RAB2A: variants seen among roughly 807,000 people sequenced by gnomAD.
The protein encoded by RAB2A is ras-related protein Rab-2A.
Under a neutral mutation model 32.5 loss-of-function variants are expected in RAB2A, and 7 were observed. The observed-to-expected ratio is 0.22, with a 90% confidence interval of 0.12 to 0.40. The LOEUF is 0.40. RAB2A is among the 10% of genes least tolerant of loss of function. The probability of loss-of-function intolerance (pLI) is 1.00; values close to 1 mark genes in which losing one functional copy is unlikely to be tolerated. For missense variants in RAB2A, 108 were observed against 260.7 expected, an observed-to-expected ratio of 0.41 and a Z score of 4.03; for synonymous variants, 79 against 85.2, an observed-to-expected ratio of 0.93 and a Z score of 0.40.
chr8:60,547,983 C>T (rs1265637453), intron 1 of RAB2A, among the ~76,000 whole-genome samples: 43 of 33,720 alleles, frequency 1.3e-3, no homozygotes, highest in Middle Eastern at 0.033. Context: ...ACTTCCCGGA[C>T]GGGGCGGCTG....
At chr8:60,526,011 G>T (rs1278395977) in intron 1 of RAB2A, among the ~76,000 whole-genome samples, 1 of 110,084 alleles carries the variant, frequency 9.1e-6, no homozygotes, top group Admixed American at 9.6e-5. Context: ...GTATATATGT[G>T]TGTGTGTACA....
At chr8:60,567,119 C>CTT (rs759099870) in intron 2 of RAB2A, among the ~76,000 whole-genome samples, 43 of 139,320 alleles carry the variant, frequency 3.1e-4, no homozygotes, top group African/African-American at 8.4e-4. Context: ...TTCTTTTTTT[C>CTT]TTTTTTTTTT....
At chr8:60,588,351 A>T (rs1362184764) in intron 5 of RAB2A, among the ~76,000 whole-genome samples, 2 of 152,212 alleles carry the variant, frequency 1.3e-5, no homozygotes, top group Non-Finnish European at 2.9e-5. Flanking sequence ...ACCCAACATA[A>T]ATATGTCTTC....
At chr8:60,594,520 A>G (rs1403470748) in intron 6 of RAB2A, among the ~76,000 whole-genome samples, 1 of 152,214 alleles carries the variant, frequency 6.6e-6, no homozygotes, top group East Asian at 1.9e-4. Context: ...TCTAGGTTAC[A>G]TGTGCACAAC....
At chr8:60,523,178 T>G (rs1458457051) in intron 1 of RAB2A, among the ~76,000 whole-genome samples, 2 of 149,644 alleles carry the variant, frequency 1.3e-5, no homozygotes, top group Non-Finnish European at 3.0e-5. Context: ...TTTTTTTTTC[T>G]TGAGACAGTC....
At chr8:60,607,285 C>T (rs902183081) in intron 6 of RAB2A, among the ~76,000 whole-genome samples, 55 of 151,344 alleles carry the variant, frequency 3.6e-4, no homozygotes, top group African/African-American at 1.2e-3. Context: ...AAAAATTAGC[C>T]GGGCGTGGTG....
chr8:60,533,725 T>A (rs1807515106), intron 1 of RAB2A, among the ~76,000 whole-genome samples: 1 of 152,066 alleles, frequency 6.6e-6, no homozygotes, highest in Non-Finnish European at 1.5e-5. Context: ...AATCCCAGCA[T>A]TTTAGGAGGC....
chr8:60,597,601 A>G (rs1386347303), intron 6 of RAB2A, among the ~76,000 whole-genome samples: 1 of 152,088 alleles, frequency 6.6e-6, no homozygotes, highest in Non-Finnish European at 1.5e-5. Context: ...AACAAAAGAA[A>G]AGAAGTCTCA....
chr8:60,552,327 G>A (rs1007691256), intron 1 of RAB2A: 11 of 151,338 alleles, frequency 7.3e-5, no homozygotes, highest in African/African-American at 2.2e-4. Flanking sequence ...TTATACCTAT[G>A]GGGTCTCACT....
intron 6 of RAB2A, among the ~76,000 whole-genome samples, chr8:60,605,832 C>CATATATATATATATAT (rs1328541490): frequency 0.012 from 1,446 of 120,698 alleles, 149 homozygotes; most frequent in African/African-American, 0.052. Flanking sequence ...GGGACTAATA[C>CATATATATATATATAT]ATATATACAT....
Position 60,591,848 on chromosome 8 carries a change from C to T in RAB2A, c.363-10C>T. Reference sequence around the variant, plus strand: ...GATTAGTAATGTGACCCTTTCTTTCCCATGTTTAGTGATTTAGAATCTAGA... The same window carrying T: ...GATTAGTAATGTGACCCTTTCTTTCTCATGTTTAGTGATTTAGAATCTAGA... On this transcript the variant is annotated splice_polypyrimidine_tract_variant and intron_variant, in intron 5 of 7. Coordinates refer to ENST00000262646, the MANE Select transcript of RAB2A (RefSeq NM_002865.3). 6.4e-7 allele frequency: 1 copy of T among 1,554,432 alleles called. No homozygotes were observed. Among genetic ancestry groups the T allele is most frequent in the Non-Finnish European group, 8.9e-7 (1 of 1,128,028 alleles).
chr8:60,610,014 G>C (rs1262872524), intron 6 of RAB2A, among the ~76,000 whole-genome samples: 1 of 150,508 alleles, frequency 6.6e-6, no homozygotes, highest in Non-Finnish European at 1.5e-5. Flanking sequence ...CTCTCATCAG[G>C]TGCTTCTTCC....
At chr8:60,582,293 G>T (rs1314498690) in intron 3 of RAB2A, among the ~76,000 whole-genome samples, 1 of 152,054 alleles carries the variant, frequency 6.6e-6, no homozygotes, top group East Asian at 1.9e-4. Flanking sequence ...TAGCCCTTTT[G>T]TGTGATGGCT....
At chr8:60,570,818 C>G (rs1187636923) in intron 2 of RAB2A, among the ~76,000 whole-genome samples, 1 of 152,124 alleles carries the variant, frequency 6.6e-6, no homozygotes, top group African/African-American at 2.4e-5. Context: ...GGACAAATTA[C>G]CTTTGTTTCT....
chr8:60,611,733 AATAT>A (rs1361117525), intron 6 of RAB2A, among the ~76,000 whole-genome samples: 1 of 152,228 alleles, frequency 6.6e-6, no homozygotes, highest in African/African-American at 2.4e-5. Flanking sequence ...TTTACTTTTG[AATAT>A]AAATAAGCAT....
At chr8:60,543,093 A>AT (rs1807672221) in intron 1 of RAB2A, among the ~76,000 whole-genome samples, 3 of 152,236 alleles carry the variant, frequency 2.0e-5, no homozygotes, top group Admixed American at 2.0e-4. Flanking sequence ...TATAGACAGA[A>AT]TCAACAAGAC....
At chr8:60,609,838 C>T (rs542338864) in intron 6 of RAB2A, among the ~76,000 whole-genome samples, 10 of 151,952 alleles carry the variant, frequency 6.6e-5, no homozygotes, top group African/African-American at 1.2e-4. Flanking sequence ...TGGTGGGACA[C>T]GCCTGCTGTA....
intron 3 of RAB2A, among the ~76,000 whole-genome samples, chr8:60,579,814 A>C (rs1204264275): frequency 6.6e-6 from 1 of 151,786 alleles, no homozygotes; most frequent in Non-Finnish European, 1.5e-5. Flanking sequence ...TTTTTAGTAG[A>C]GACAGGGTTT....
intron 2 of RAB2A, 38 bp downstream of exon 2, chr8:60,558,961 T>C: frequency 6.8e-7 from 1 of 1,480,416 alleles, no homozygotes; most frequent in South Asian, 1.2e-5. Context: ...ACTAAAAGTT[T>C]TGGATAGTTT....
Sources: gnomAD v4.1 joint callset for allele counts (sites outside exome capture counted in the v4.1 genomes callset) on GRCh38, gnomAD v4.1.1 for gene constraint, MANE v1.5 for transcripts, NCBI Gene and HGNC (gene_info 2026-07-23, HGNC 2026-07-21) for gene names.